The following UBOX5 variants were observed in gnomAD, a reference collection of about 807,000 sequenced individuals.
The protein encoded by UBOX5 is U-box domain containing 5.
In UBOX5, 28 loss-of-function variants were observed where a neutral mutation model predicts 39.0. That is an observed-to-expected ratio of 0.72 (90% CI 0.53 to 0.98). The LOEUF is 0.98. Ranked by LOEUF, UBOX5 falls within the 50% of genes least tolerant of loss-of-function variation. UBOX5 has a pLI of 0.00. For missense variants in UBOX5, 585 were observed against 674.4 expected (o/e 0.87, Z 1.47); for synonymous variants, 283 against 275.5 (o/e 1.03, Z -0.27).
At chr20:3,123,449 C>A in intron 1 of UBOX5, 43 bp from the exon 2 acceptor site, 1 of 1,407,922 alleles carries the variant, frequency 7.1e-7, no homozygotes, top group South Asian at 1.2e-5. Flanking sequence ...ATGTAAAATT[C>A]AATTCTAAAC....
intron 1 of UBOX5, among the ~76,000 whole-genome samples, chr20:3,129,509 C>G (rs1600384148): frequency 6.6e-6 from 1 of 152,250 alleles, no homozygotes; most frequent in South Asian, 2.1e-4. Flanking sequence ...GACCAGTGCA[C>G]CGGCCTATCC....
chr20:3,146,363 C>T (rs1568480529), intron 1 of UBOX5, among the ~76,000 whole-genome samples: 3 of 103,758 alleles, frequency 2.9e-5, no homozygotes, highest in East Asian at 2.6e-4. Flanking sequence ...AAAAAACTGG[C>T]TTTAAAAAAA....
chr20:3,154,288 G>A (rs998905894), intron 1 of UBOX5, among the ~76,000 whole-genome samples: 3 of 152,116 alleles, frequency 2.0e-5, no homozygotes, highest in African/African-American at 4.8e-5. Flanking sequence ...CGGATAATCC[G>A]GGCATGAACA....
chr20:3,111,575 C>A (rs1182433570), intron 4 of UBOX5: 1 of 152,546 alleles, frequency 6.6e-6, no homozygotes, highest in Non-Finnish European at 1.5e-5. Flanking sequence ...CCAGCAGCTT[C>A]CAATCACTTC....
chr20:3,143,895 C>G (rs1177421468), intron 1 of UBOX5, among the ~76,000 whole-genome samples: 1 of 152,038 alleles, frequency 6.6e-6, no homozygotes, highest in Non-Finnish European at 1.5e-5. Context: ...GGATTTGAGG[C>G]TGCAGTGAGC....
chr20:3,144,371 C>A (rs857253), intron 1 of UBOX5, among the ~76,000 whole-genome samples: 2 of 152,000 alleles, frequency 1.3e-5, no homozygotes, highest in Non-Finnish European at 2.9e-5. Flanking sequence ...ATGCCAAAAC[C>A]ATTCAATGCA....
intron 1 of UBOX5, among the ~76,000 whole-genome samples, chr20:3,138,983 A>G (rs1000703270): frequency 6.6e-6 from 1 of 152,004 alleles, no homozygotes; most frequent in Non-Finnish European, 1.5e-5. Context: ...TACAGAAGGG[A>G]AAAAAAAGAA....
chr20:3,157,243 C>A (rs1256228621), intron 1 of UBOX5, among the ~76,000 whole-genome samples: 1 of 152,218 alleles, frequency 6.6e-6, no homozygotes, highest in Non-Finnish European at 1.5e-5. Context: ...CTGGGCTAGA[C>A]TCTTCTGTGT....
At position 3,107,744 on chromosome 20, in the gene UBOX5, A is replaced by G. The variant is rs2066221838; in HGVS notation, c.*2362T>C. On this transcript the variant is annotated 3_prime_UTR_variant, in exon 5 of 5. Transcript: ENST00000217173. This position sits in a 1 kb window ranked among gnomAD's most constrained non-coding sequence, Gnocchi z 5.0. ...GGGTGGCTCCACCTGTACCCAGGAC[A>G]GGGCCTGCCACTCCAGGGGCTCCCA... The G allele has an allele frequency of 6.6e-6, 1 of 152,212 alleles. No individual in the cohort carries two copies. The highest frequency in any genetic ancestry group is 1.5e-5 in the Non-Finnish European group (1 of 68,052). The allele number at this position is 152,212 out of a possible 1,614,324, so 9.4% of individuals were successfully genotyped here. A position where few individuals can be genotyped will look rare whatever the true frequency, so the allele number is the denominator to read the frequency against.
rs764722882 is a variant in UBOX5, at chr20:3,110,124, C to G, written c.1608G>C (p.Val536=). 1 of 1,612,254 alleles carries G rather than the reference C, an allele frequency of 6.2e-7. No individual in the cohort carries two copies. Among genetic ancestry groups the G allele is most frequent in the South Asian group, 1.1e-5 (1 of 91,020 alleles). The change falls in exon 5 of 5, where the codon GTG becomes GTC. Residue 536 remains valine (V), a synonymous_variant. Coordinates refer to ENST00000217173, the MANE Select transcript of UBOX5 (RefSeq NM_014948.4). ...ACQRPVASQD[V]LRVHF The stretch of plus-strand genomic sequence containing the variant: ...CAGTCACTCAGAAGTGGACCCGCAG[C>G]ACGTCTTGGCTAGCAACCGGCCGCT...
chr20:3,139,178 T>C (rs2066496020), intron 1 of UBOX5, among the ~76,000 whole-genome samples: 1 of 152,148 alleles, frequency 6.6e-6, no homozygotes, highest in African/African-American at 2.4e-5. Context: ...TGTGCCTTTT[T>C]CTTACAACTG....
chr20:3,114,773 C>T (rs2066280496), intron 4 of UBOX5, among the ~76,000 whole-genome samples: 1 of 152,028 alleles, frequency 6.6e-6, no homozygotes, highest in South Asian at 2.1e-4. Flanking sequence ...ATGGTGAAAC[C>T]CCGTCTCTAC....
At chr20:3,140,725 C>T (rs1447243706) in intron 1 of UBOX5, among the ~76,000 whole-genome samples, 1 of 151,214 alleles carries the variant, frequency 6.6e-6, no homozygotes, top group Non-Finnish European at 1.5e-5. Context: ...TTTTTTTCAA[C>T]TTTTATTTTA....
intron 1 of UBOX5, among the ~76,000 whole-genome samples, chr20:3,127,866 C>T (rs941025126): frequency 2.0e-5 from 3 of 152,138 alleles, no homozygotes; most frequent in African/African-American, 7.2e-5. Flanking sequence ...TACTATTTGG[C>T]TTTAAGTTCA....
At chr20:3,120,345 C>CA (rs35882932) in intron 3 of UBOX5, among the ~76,000 whole-genome samples, 6,399 of 70,702 alleles carry the variant, frequency 0.091, 486 homozygotes, top group African/African-American at 0.23. Context: ...GACTCCATCT[C>CA]AAAAAAAAAA....
At chr20:3,110,517 G>C in intron 4 of UBOX5, 1 of 608,148 alleles carries the variant, frequency 1.6e-6, no homozygotes, top group Non-Finnish European at 2.9e-6. Context: ...TATCATCTTT[G>C]ACCAAATCTC....
At position 3,120,765 on chromosome 20, in the gene UBOX5, T is replaced by G. The variant is rs540982996; in HGVS notation, c.1255+619A>C. Among the ~76,000 whole-genome samples, 3 of 152,216 alleles carry G rather than the reference T, an allele frequency of 2.0e-5. No homozygotes were observed. In the East Asian group the frequency reaches 5.8e-4, roughly 29 times the overall value. On this transcript the variant is annotated intron_variant, in intron 3 of 4. Transcript: ENST00000217173. ...GCAATTTGTCCACACATTTACTGAG[T>G]GCACCCTCTTCAGTGTGGCTTTTCT...
At chr20:3,136,066 T>A (rs1243886223) in intron 1 of UBOX5, 2 of 152,340 alleles carry the variant, frequency 1.3e-5, no homozygotes, top group Admixed American at 1.3e-4. Flanking sequence ...ATTTCCCTTT[T>A]CTCTGGCTGA....
intron 1 of UBOX5, among the ~76,000 whole-genome samples, chr20:3,142,693 T>TACCTGG (rs1189418733): frequency 7.1e-6 from 1 of 140,436 alleles, no homozygotes; most frequent in African/African-American, 2.7e-5. Context: ...GAATCGCTTG[T>TACCTGG]ACCTGGGTGG....
Sources: gnomAD v4.1 joint callset for allele counts (sites outside exome capture counted in the v4.1 genomes callset) on GRCh38, gnomAD v4.1.1 for gene constraint, Gnocchi (gnomAD v3.1) non-coding constraint, MANE v1.5 for transcripts, NCBI Gene and HGNC (gene_info 2026-07-23, HGNC 2026-07-21) for gene names.